STAT5B: variants seen among roughly 807,000 people sequenced by gnomAD.
STAT5B encodes transcription factor STAT5B.
A neutral mutation model predicts 107.8 loss-of-function variants in STAT5B; 21 were observed. The ratio of observed to expected loss-of-function variants is 0.19; its 90% CI spans 0.14 to 0.28. STAT5B has a LOEUF of 0.28. Among genes scored for constraint, STAT5B ranks in the 10% least tolerant of loss-of-function variants. The pLI is 1.00. For missense variants in STAT5B, 565 were observed against 1,008.2 expected (o/e 0.56, Z 5.95); for synonymous variants, 325 against 401.7 (o/e 0.81, Z 2.28).
At chr17:42,203,404 C>A (rs1490525961) in intron 16 of STAT5B, among the ~76,000 whole-genome samples, 1 of 150,686 alleles carries the variant, frequency 6.6e-6, no homozygotes, top group Non-Finnish European at 1.5e-5. Flanking sequence ...GCACTAATTG[C>A]ATACTAATTA....
intron 11 of STAT5B, among the ~76,000 whole-genome samples, chr17:42,216,718 T>A (rs140935701): frequency 0.034 from 5,099 of 148,356 alleles, 142 homozygotes; most frequent in Non-Finnish European, 0.049. Flanking sequence ...TGAGACAGGG[T>A]CTCACTCTTT....
intron 1 of STAT5B, among the ~76,000 whole-genome samples, chr17:42,247,595 GT>G (rs774207059): frequency 1.3e-5 from 2 of 152,140 alleles, no homozygotes; most frequent in Non-Finnish European, 2.9e-5. Flanking sequence ...TACTACCTGT[GT>G]TTAAGTAAAA....
At chr17:42,266,841 A>C (rs2080677440) in intron 1 of STAT5B, among the ~76,000 whole-genome samples, 1 of 152,208 alleles carries the variant, frequency 6.6e-6, no homozygotes, top group Non-Finnish European at 1.5e-5. Context: ...GATACCTTCA[A>C]CATGAGGAGA....
intron 1 of STAT5B, among the ~76,000 whole-genome samples, chr17:42,242,620 G>T (rs1456071187): frequency 7.3e-6 from 1 of 136,512 alleles, no homozygotes; most frequent in Non-Finnish European, 1.5e-5. Context: ...AAAACAGGTG[G>T]AACTGTTCTA....
At chr17:42,286,675 C>T in the STAT5B span, among the ~76,000 whole-genome samples, 1 of 152,156 alleles carries the variant, frequency 6.6e-6, no homozygotes, top group Non-Finnish European at 1.5e-5. Flanking sequence ...CAAGGGTGGC[C>T]CTCTGCCCTC....
chr17:42,219,269 C>G, intron 7 of STAT5B, 43 bp downstream of exon 7: 2 of 1,592,316 alleles, frequency 1.3e-6, no homozygotes, highest in South Asian at 1.1e-5. Context: ...GGGATCCCCA[C>G]CAGCCCCTCC....
At chr17:42,227,379 A>G in intron 3 of STAT5B, 150 bp downstream of exon 3, 1 of 166,016 alleles carries the variant, frequency 6.0e-6, no homozygotes, top group South Asian at 1.9e-4. Context: ...AATAAAAAGT[A>G]AAAAAAAAAA....
Position 42,276,226 on chromosome 17 carries a change from G to C in STAT5B, c.-11+22C>G, listed in dbSNP as rs1257337914. ...CCTGGCTCCCCCGGCCCCGGGCCCAGGGCTCGCCCCGCAGCTCCTACCTCG... is the reference window on the plus strand; with the variant it reads ...CCTGGCTCCCCCGGCCCCGGGCCCACGGCTCGCCCCGCAGCTCCTACCTCG... On this transcript the variant is annotated intron_variant, in intron 1 of 18. Transcript: ENST00000293328. This position sits in a 1 kb window ranked among gnomAD's most constrained non-coding sequence, Gnocchi z 4.8. 1 of 147,266 alleles carries C rather than the reference G, an allele frequency of 6.8e-6. No homozygotes were observed. The highest frequency in any genetic ancestry group is 1.5e-5 in the Non-Finnish European group (1 of 66,134). The allele number at this position is 147,266 out of a possible 1,614,324, so 9.1% of individuals were successfully genotyped here. A position where few individuals can be genotyped will look rare whatever the true frequency, so the allele number is the denominator to read the frequency against.
intron 1 of STAT5B, 54 bp from the exon 2 acceptor site, chr17:42,232,191 A>G (rs1320573969): frequency 1.4e-5 from 22 of 1,591,532 alleles, no homozygotes; most frequent in Non-Finnish European, 1.9e-5. Context: ...TTCCCCTTAC[A>G]TCCACCAGAG....
chr17:42,267,819 C>T (rs901432490), intron 1 of STAT5B, among the ~76,000 whole-genome samples: 22 of 151,684 alleles, frequency 1.5e-4, no homozygotes, highest in African/African-American at 5.1e-4. Context: ...ATTAGCCAGG[C>T]GTGGTGGCAC....
At chr17:42,205,017 A>C (rs1457768902) in intron 16 of STAT5B, among the ~76,000 whole-genome samples, 1 of 151,878 alleles carries the variant, frequency 6.6e-6, no homozygotes, top group Non-Finnish European at 1.5e-5. Flanking sequence ...CTGAGCTGTA[A>C]CTCTGCATAG....
At chr17:42,215,920 C>G (rs550755206) in intron 12 of STAT5B, 94 bp downstream of exon 12, 1 of 1,396,296 alleles carries the variant, frequency 7.2e-7, no homozygotes, top group Admixed American at 1.9e-5. Flanking sequence ...CTGCACCCGG[C>G]CTTTTCCTAT....
chr17:42,218,052 A>G (rs1364729455), intron 9 of STAT5B, 99 bp downstream of exon 9: 4 of 1,545,532 alleles, frequency 2.6e-6, no homozygotes, highest in Non-Finnish European at 3.5e-6. Flanking sequence ...AGAGGCCAGA[A>G]GGGCAAACAG....
chr17:42,202,993 A>G lies in STAT5B; in HGVS notation c.2078-185T>C, dbSNP rs1016465581. ...AGTCTCACTCTCTCATCCAGGCTGGAGTACGGTGGTGCAATCTCGGCTCAC... is the reference window on the plus strand; with the variant it reads ...AGTCTCACTCTCTCATCCAGGCTGGGGTACGGTGGTGCAATCTCGGCTCAC... On this transcript the variant is annotated intron_variant, in intron 16 of 18. Coordinates refer to ENST00000293328, the MANE Select transcript of STAT5B (RefSeq NM_012448.4). The G allele has an allele frequency of 6.5e-6, 5 of 764,868 alleles. 1 individual carries two copies. In the African/African-American group the frequency reaches 8.6e-5, roughly 13 times the overall value. 47.4% of individuals were successfully genotyped at this position (764,868 alleles called of 1,614,324 possible).
chr17:42,242,813 CA>C (rs1354350130), intron 1 of STAT5B, among the ~76,000 whole-genome samples: 19 of 152,138 alleles, frequency 1.2e-4, no homozygotes, highest in African/African-American at 4.3e-4. Context: ...ACTAAAAATA[CA>C]AAAATTGTAC....
At chr17:42,278,399 T>C (rs1046685791), upstream of STAT5B, among the ~76,000 whole-genome samples, 1 of 152,194 alleles carries the variant, frequency 6.6e-6, no homozygotes, top group Non-Finnish European at 1.5e-5. Flanking sequence ...ACAAGGACTA[T>C]GCAGTCATTA....
intron 1 of STAT5B, among the ~76,000 whole-genome samples, chr17:42,273,078 T>C (rs1268590658): frequency 1.3e-5 from 2 of 152,206 alleles, no homozygotes; most frequent in African/African-American, 4.8e-5. Flanking sequence ...AATACAATTT[T>C]AAAAAGTATT....
Position 42,258,462 on chromosome 17 carries a change from T to C in STAT5B, c.-11+17786A>G, listed in dbSNP as rs139535113. 6.6e-5 allele frequency among the ~76,000 whole-genome samples: 10 copies of C among 152,328 alleles called. 1 individual carries two copies. Among genetic ancestry groups the C allele is most frequent in the African/African-American group, 1.9e-4 (8 of 41,582 alleles). Reference sequence around the variant, plus strand: ...GGGAGGCTGAAGCGGAAGGATCACCTGAGGTCAGGAGTTTGAGACCAGCCT... The same window carrying C: ...GGGAGGCTGAAGCGGAAGGATCACCCGAGGTCAGGAGTTTGAGACCAGCCT... On this transcript the variant is annotated intron_variant, in intron 1 of 18. Coordinates refer to ENST00000293328, the MANE Select transcript of STAT5B (RefSeq NM_012448.4).
intron 2 of STAT5B, among the ~76,000 whole-genome samples, chr17:42,229,306 C>A (rs1035928450): frequency 6.6e-6 from 1 of 151,856 alleles, no homozygotes; most frequent in Non-Finnish European, 1.5e-5. Context: ...TGCACCACCA[C>A]GCCTGGCTAA....
Sources: gnomAD v4.1 joint callset for allele counts (sites outside exome capture counted in the v4.1 genomes callset) on GRCh38, gnomAD v4.1.1 for gene constraint, Gnocchi (gnomAD v3.1) non-coding constraint, MANE v1.5 for transcripts, NCBI Gene and HGNC (gene_info 2026-07-23, HGNC 2026-07-21) for gene names.